The following DENND1B variants were observed in gnomAD, a reference collection of about 807,000 sequenced individuals.
The protein encoded by DENND1B is DENN domain containing 1B.
A neutral mutation model predicts 90.1 loss-of-function variants in DENND1B; 59 were observed. The observed-to-expected ratio is 0.65, with a 90% CI of 0.53 to 0.81. DENND1B has a LOEUF of 0.81. Among genes scored for constraint, DENND1B ranks in the 40% least tolerant of loss-of-function variants. The pLI is 0.00. For missense variants in DENND1B, 862 were observed against 912.6 expected, an observed-to-expected ratio of 0.94 and a Z score of 0.71; for synonymous variants, 337 against 324.6, an observed-to-expected ratio of 1.04 and a Z score of -0.41.
At chr1:197,639,437 G>A (rs1452048878) in intron 10 of DENND1B, among the ~76,000 whole-genome samples, 1 of 152,120 alleles carries the variant, frequency 6.6e-6, no homozygotes, top group South Asian at 2.1e-4. Context: ...TCTAATGAGA[G>A]TGTCACCACT....
At chr1:197,767,874 G>T (rs184159066) in intron 2 of DENND1B, among the ~76,000 whole-genome samples, 1 of 152,040 alleles carries the variant, frequency 6.6e-6, no homozygotes, top group Non-Finnish European at 1.5e-5. Flanking sequence ...ATATTTCCTC[G>T]CATGATAAAA....
intron 3 of DENND1B, among the ~76,000 whole-genome samples, chr1:197,680,207 G>C (rs1558394019): frequency 1.3e-5 from 2 of 151,466 alleles, no homozygotes; most frequent in Non-Finnish European, 3.0e-5. Flanking sequence ...CTCTATCTAA[G>C]AAAAAGACAT....
At chr1:197,663,481 C>A (rs897314126) in intron 5 of DENND1B, among the ~76,000 whole-genome samples, 1 of 152,130 alleles carries the variant, frequency 6.6e-6, no homozygotes, top group East Asian at 1.9e-4. Flanking sequence ...TGCTAACTGG[C>A]TATTTGCAGG....
At chr1:197,736,270 G>T (rs1048130835) in intron 2 of DENND1B, among the ~76,000 whole-genome samples, 1 of 152,046 alleles carries the variant, frequency 6.6e-6, no homozygotes, top group East Asian at 1.9e-4. Context: ...TTTTGAGTCA[G>T]AGATAACATA....
At chr1:197,534,591 C>T (rs1669743678) in intron 20 of DENND1B, among the ~76,000 whole-genome samples, 1 of 152,142 alleles carries the variant, frequency 6.6e-6, no homozygotes. Flanking sequence ...TTTGGCTGTG[C>T]AGGGAATAGG....
chr1:197,692,972 T>C (rs1174780706), intron 3 of DENND1B, among the ~76,000 whole-genome samples: 2 of 151,692 alleles, frequency 1.3e-5, no homozygotes, highest in African/African-American at 4.8e-5. Context: ...ACATCCAAAA[T>C]TAAAAACATC....
At chr1:197,640,027 AAC>A (rs1680134803) in intron 10 of DENND1B, among the ~76,000 whole-genome samples, 1 of 152,190 alleles carries the variant, frequency 6.6e-6, no homozygotes, top group Admixed American at 6.5e-5. Context: ...AATTGTCATA[AAC>A]AGTTGATAAT....
chr1:197,622,075 G>A (rs1558316183), intron 10 of DENND1B, among the ~76,000 whole-genome samples: 1 of 151,372 alleles, frequency 6.6e-6, no homozygotes, highest in African/African-American at 2.4e-5. Flanking sequence ...ACCAGACAGA[G>A]AAACCTGACA....
At chr1:197,645,344 G>T (rs1285142016) in intron 9 of DENND1B, among the ~76,000 whole-genome samples, 2 of 151,950 alleles carry the variant, frequency 1.3e-5, no homozygotes. Context: ...ACAAGTAGAA[G>T]CCATCTCCTG....
intron 5 of DENND1B, among the ~76,000 whole-genome samples, chr1:197,669,913 T>A (rs1182099003): frequency 2.0e-5 from 3 of 152,134 alleles, no homozygotes; most frequent in Non-Finnish European, 2.9e-5. Context: ...AATATAATCA[T>A]ATTTTCTGCA....
chr1:197,544,995 GAA>G (rs1670677202), intron 18 of DENND1B, among the ~76,000 whole-genome samples: 12 of 34,068 alleles, frequency 3.5e-4, no homozygotes, highest in East Asian at 9.9e-4. Context: ...GAAGAAGGAA[GAA>G]GGAAGACGAC....
chr1:197,779,032 A>C (rs1047683072), upstream of DENND1B, among the ~76,000 whole-genome samples: 30 of 152,136 alleles, frequency 2.0e-4, no homozygotes, highest in African/African-American at 6.5e-4. Context: ...TGTTTTATAC[A>C]GTCCATGTTT....
intron 3 of DENND1B, among the ~76,000 whole-genome samples, chr1:197,713,405 T>TA (rs1478944746): frequency 2.9e-5 from 2 of 68,182 alleles, no homozygotes; most frequent in African/African-American, 5.8e-5. Context: ...TATGCAGCCA[T>TA]AAAAAATGAT....
intron 4 of DENND1B, among the ~76,000 whole-genome samples, chr1:197,672,735 A>C (rs1335084286): frequency 6.6e-6 from 1 of 152,064 alleles, no homozygotes; most frequent in Non-Finnish European, 1.5e-5. Flanking sequence ...CAAGTATAAA[A>C]TAAGAATATA....
At chr1:197,557,613 G>A (rs917178686) in intron 15 of DENND1B, among the ~76,000 whole-genome samples, 1 of 151,834 alleles carries the variant, frequency 6.6e-6, no homozygotes, top group African/African-American at 2.4e-5. Flanking sequence ...GAGTGAAAAT[G>A]TTTGTTCTTG....
At chr1:197,753,917 T>A (rs1653912114) in intron 2 of DENND1B, among the ~76,000 whole-genome samples, 1 of 151,986 alleles carries the variant, frequency 6.6e-6, no homozygotes, top group South Asian at 2.1e-4. Flanking sequence ...GAAGAATCGC[T>A]TAAACCCGGG....
At chr1:197,622,958 A>C (rs1206665554) in intron 10 of DENND1B, among the ~76,000 whole-genome samples, 1 of 151,422 alleles carries the variant, frequency 6.6e-6, no homozygotes, top group African/African-American at 2.4e-5. Context: ...CAATCCATCT[A>C]GTATAATCAC....
At chr1:197,777,932 G>A (rs2102535514), upstream of DENND1B, among the ~76,000 whole-genome samples, 1 of 152,208 alleles carries the variant, frequency 6.6e-6, no homozygotes, top group South Asian at 2.1e-4. Context: ...TACGATGATT[G>A]TGTTGTTGAC....
At chr1:197,714,195 G>A (rs376518907) in intron 3 of DENND1B, among the ~76,000 whole-genome samples, 10 of 150,918 alleles carry the variant, frequency 6.6e-5, no homozygotes, top group East Asian at 5.9e-4. Flanking sequence ...GGCTGGTCTC[G>A]AACTCCTGAC....
Sources: allele counts gnomAD v4.1 joint callset (sites outside exome capture counted in the v4.1 genomes callset), GRCh38; gene constraint gnomAD v4.1.1; transcripts MANE v1.5; gene names NCBI Gene and HGNC (gene_info 2026-07-23, HGNC 2026-07-21).